Variants in PNPLA8 observed in about 807,000 individuals in gnomAD.
PNPLA8 encodes patatin like domain 8, phospholipase A2, also known as calcium-independent phospholipase A2-gamma.
In PNPLA8, 39 loss-of-function variants were observed where a neutral mutation model predicts 76.9. The observed-to-expected ratio is 0.51, with a 90% CI of 0.39 to 0.66. The LOEUF is 0.66. PNPLA8 is among the 30% of genes least tolerant of loss of function. The pLI, the probability that PNPLA8 is intolerant of heterozygous loss-of-function variation, is 0.00. For synonymous variants in PNPLA8, 301 were observed against 307.9 expected, an observed-to-expected ratio of 0.98 and a Z score of 0.24; for missense variants, 887 against 918.0, an observed-to-expected ratio of 0.97 and a Z score of 0.44.
In PNPLA8 at chr7:108,496,657, C is replaced by A; in HGVS notation, c.1552G>T (p.Val518Phe). Residue 518 changes from valine to phenylalanine, a missense_variant, in exon 7 of 11, where the codon GTC (valine) becomes TTC (phenylalanine). By Grantham distance (50) the Val-to-Phe change is conservative. Transcript: ENST00000257694. ...KLGSDVFSQNVIVGTVKMSWS... is the reference protein window; with the variant it reads ...KLGSDVFSQNFIVGTVKMSWS... Reference sequence around the variant, plus strand: ...CTCATTTTTACTGTTCCAACAATGACATTTTGTGAAAATACATCTGATCCT... The same window carrying A: ...CTCATTTTTACTGTTCCAACAATGAAATTTTGTGAAAATACATCTGATCCT... The A allele has an allele frequency of 6.2e-7, 1 of 1,612,534 alleles. No homozygotes were observed. Among genetic ancestry groups the A allele is most frequent in the Non-Finnish European group, 8.5e-7 (1 of 1,179,138 alleles).
chr7:108,483,040 A>G (rs931046102), intron 9 of PNPLA8, among the ~76,000 whole-genome samples: 2 of 152,342 alleles, frequency 1.3e-5, no homozygotes, highest in South Asian at 2.1e-4. Context: ...AGGGAGTGGT[A>G]GTATTTTGCA....
At chr7:108,507,683 G>A in intron 4 of PNPLA8, among the ~76,000 whole-genome samples, 1 of 151,984 alleles carries the variant, frequency 6.6e-6, no homozygotes, top group African/African-American at 2.4e-5. Flanking sequence ...AGAAAAACAA[G>A]GAGTCCATAA....
chr7:108,518,911 A>G (rs759485490), intron 2 of PNPLA8, among the ~76,000 whole-genome samples: 1 of 151,818 alleles, frequency 6.6e-6, no homozygotes, highest in Non-Finnish European at 1.5e-5. Context: ...TGGGACCAAA[A>G]GGGAATGAGA....
intron 7 of PNPLA8, among the ~76,000 whole-genome samples, chr7:108,495,859 A>G (rs1357202160): frequency 6.6e-6 from 1 of 152,186 alleles, no homozygotes; most frequent in African/African-American, 2.4e-5. Flanking sequence ...AAAAAAGGAG[A>G]AGGATACGAA....
rs1861570986 is a variant in PNPLA8 at position 108,496,675 on chromosome 7, C to T, written c.1534G>A (p.Asp512Asn). ...ACAATGACATTTTGTGAAAATACAT[C>T]TGATCCTAATTTTCGATAAAGTTCC... is the stretch of plus-strand genomic sequence containing the variant. ...CEELYRKLGS[D>N]VFSQNVIVGT... is the part of the protein sequence containing the mutation. The change falls in exon 7 of 11, where the codon GAT becomes AAT. Residue 512 changes from aspartate to asparagine, a missense_variant. Transcript: ENST00000257694. The T allele has an allele frequency of 6.2e-7, 1 of 1,612,042 alleles. No homozygotes were observed. The highest frequency in any genetic ancestry group is 2.2e-5 in the East Asian group (1 of 44,742).
chr7:108,479,338 C>T lies in PNPLA8; in HGVS notation c.1920G>A (p.Met640Ile), dbSNP rs776046101. 4 of 1,613,708 alleles carry T rather than the reference C, an allele frequency of 2.5e-6. No homozygotes were observed. The highest frequency in any genetic ancestry group is 1.7e-6 in the Non-Finnish European group (2 of 1,179,684). The change falls in exon 10 of 11, where the codon ATG (methionine) becomes ATA (isoleucine). Residue 640 changes from methionine (M) to isoleucine (I), a missense_variant. Coordinates refer to ENST00000257694, the MANE Select transcript of PNPLA8 (RefSeq NM_001256007.3). ...LLLNNPSALA[M>I]HECKCLWPDV... ...CTGGCCAAAGACATTTACACTCATG[C>T]ATAGCTAATGCCGAAGGGTTATTCA... is the stretch of plus-strand genomic sequence containing the variant.
At chr7:108,511,071 A>G (rs959007621) in intron 4 of PNPLA8, 1 of 696,786 alleles carries the variant, frequency 1.4e-6, no homozygotes, top group African/African-American at 1.8e-5. Flanking sequence ...AAAACTGGTA[A>G]CTAAATACAA....
intron 4 of PNPLA8, among the ~76,000 whole-genome samples, chr7:108,511,796 A>T (rs1301488017): frequency 4.6e-5 from 7 of 152,206 alleles, no homozygotes; most frequent in Admixed American, 3.9e-4. Context: ...ATAGAAAGGT[A>T]TACATTATAT....
chr7:108,519,020 A>C (rs1049084099), intron 2 of PNPLA8, among the ~76,000 whole-genome samples: 1 of 151,704 alleles, frequency 6.6e-6, no homozygotes, highest in African/African-American at 2.4e-5. Context: ...CTGTAACAGA[A>C]GGTACCATGT....
chr7:108,524,811 C>CAA (rs1380107899), intron 1 of PNPLA8, among the ~76,000 whole-genome samples: 1 of 152,022 alleles, frequency 6.6e-6, no homozygotes. Flanking sequence ...CCAACAACAA[C>CAA]AAAAAATGGC....
chr7:108,520,536 C>A (rs1254948921), intron 2 of PNPLA8, among the ~76,000 whole-genome samples: 1 of 152,020 alleles, frequency 6.6e-6, no homozygotes, highest in African/African-American at 2.4e-5. Context: ...TTGAATAGTA[C>A]AGTAGGGGGA....
intron 4 of PNPLA8, among the ~76,000 whole-genome samples, chr7:108,504,268 A>G (rs1598928984): frequency 6.6e-6 from 1 of 152,244 alleles, no homozygotes; most frequent in Non-Finnish European, 1.5e-5. Flanking sequence ...CAGAAAAACT[A>G]TAACGTATGT....
At chr7:108,507,792 C>T (rs535777083) in intron 4 of PNPLA8, among the ~76,000 whole-genome samples, 59 of 151,932 alleles carry the variant, frequency 3.9e-4, no homozygotes, top group Admixed American at 1.2e-3. Flanking sequence ...ACTGGCAAAC[C>T]GAATCCAGCA....
intron 10 of PNPLA8, among the ~76,000 whole-genome samples, chr7:108,476,091 A>T (rs1017776730): frequency 1.3e-5 from 2 of 152,320 alleles, no homozygotes; most frequent in Admixed American, 6.5e-5. Flanking sequence ...TTTACCATTT[A>T]TTTAGCAATT....
chr7:108,520,889 T>A (rs1863687008), intron 2 of PNPLA8, among the ~76,000 whole-genome samples: 1 of 152,028 alleles, frequency 6.6e-6, no homozygotes, highest in African/African-American at 2.4e-5. Context: ...TACACCTTTA[T>A]CTGGCAATTT....
rs1598949999 is a variant in PNPLA8, at chr7:108,510,677, G to C, written c.1206+3467C>G. On this transcript the variant is annotated intron_variant, in intron 4 of 10. Coordinates refer to ENST00000257694, the MANE Select transcript of PNPLA8 (RefSeq NM_001256007.3). ...ATGGGGGTACCCCAATCTGAAGTCA[G>C]TAAATGAACTAATCTACAAGAGTGG... The C allele has an allele frequency of 1.4e-5, 23 of 1,598,204 alleles. No homozygotes were observed. The East Asian group carries it at 5.1e-4, about 36-fold the overall frequency.
intron 2 of PNPLA8, among the ~76,000 whole-genome samples, chr7:108,516,709 T>G (rs1273148268): frequency 2.6e-5 from 4 of 152,312 alleles, no homozygotes; most frequent in African/African-American, 9.6e-5. Flanking sequence ...AAGACCAGCC[T>G]GGTCGGCATG....
chr7:108,519,069 A>T (rs1863561013), intron 2 of PNPLA8, among the ~76,000 whole-genome samples: 1 of 71,494 alleles, frequency 1.4e-5, no homozygotes, highest in South Asian at 3.0e-4. Flanking sequence ...AGGGAAGTTT[A>T]AAAAAAAAAA....
At chr7:108,492,932 G>A (rs144858374) in intron 7 of PNPLA8, among the ~76,000 whole-genome samples, 191 of 152,280 alleles carry the variant, frequency 1.3e-3, no homozygotes, top group Non-Finnish European at 2.0e-3. Context: ...AAGTGCTTAT[G>A]CACTGGGGCT....
Sources: gnomAD v4.1 joint callset for allele counts (sites outside exome capture counted in the v4.1 genomes callset) on GRCh38, gnomAD v4.1.1 for gene constraint, MANE v1.5 for transcripts, NCBI Gene and HGNC (gene_info 2026-07-23, HGNC 2026-07-21) for gene names.